The following ZPLD1 variants were observed in gnomAD, a reference collection of about 807,000 sequenced individuals.
ZPLD1 encodes zona pellucida-like domain-containing protein 1.
ZPLD1 carries 34 observed loss-of-function variants against 47.2 expected under a neutral mutation model. That is an observed-to-expected ratio of 0.72 (90% CI 0.55 to 0.96). The LOEUF (loss-of-function observed/expected upper bound fraction) is 0.96, where lower values mean the gene tolerates loss of function less well. Ranked by LOEUF, ZPLD1 falls within the 40% of genes least tolerant of loss-of-function variation. The pLI is 0.00. For synonymous variants in ZPLD1, 176 were observed against 186.2 expected (o/e 0.95, Z 0.45); for missense variants, 512 against 505.8 (o/e 1.01, Z -0.12).
At chr3:102,441,741 A>T (rs1707182412) in intron 3 of ZPLD1, among the ~76,000 whole-genome samples, 1 of 152,126 alleles carries the variant, frequency 6.6e-6, no homozygotes, top group African/African-American at 2.4e-5. Context: ...GAGACAACTC[A>T]TTACATATGT....
intron 8 of ZPLD1, among the ~76,000 whole-genome samples, chr3:102,418,850 C>T (rs984423152): frequency 2.0e-5 from 3 of 151,926 alleles, no homozygotes; most frequent in Non-Finnish European, 2.9e-5. Context: ...CAGAATCTCC[C>T]ATAACCTGGG....
chr3:102,459,649 C>A (rs1707475660), intron 6 of ZPLD1, among the ~76,000 whole-genome samples: 1 of 152,072 alleles, frequency 6.6e-6, no homozygotes, highest in African/African-American at 2.4e-5. Context: ...TATTAGACTA[C>A]AAGTGAAATA....
chr3:102,395,200 G>T (rs541389213), intron 7 of ZPLD1, among the ~76,000 whole-genome samples: 1 of 151,904 alleles, frequency 6.6e-6, no homozygotes, highest in Non-Finnish European at 1.5e-5. Flanking sequence ...CTCCAAAAAC[G>T]TCCATGTCCT....
Position 102,476,992 on chromosome 3 carries a change from T to C in ZPLD1, c.1043-20T>C. ...TTGGAGAGATGATGTCACTTCTCTT[T>C]TTCTGTTTTTTCCCCTCAGATGAGA... On this transcript the variant is annotated intron_variant, in intron 10 of 11. Transcript: ENST00000466937. 1.2e-6 allele frequency: 2 copies of C among 1,612,922 alleles called. No individual in the cohort carries two copies. The highest frequency in any genetic ancestry group is 1.7e-6 in the Non-Finnish European group (2 of 1,179,128).
upstream of ZPLD1, among the ~76,000 whole-genome samples, chr3:102,432,387 A>G (rs1707026661): frequency 6.6e-6 from 1 of 152,224 alleles, no homozygotes; most frequent in Non-Finnish European, 1.5e-5. Flanking sequence ...GTATGATAAA[A>G]AACTAGCTTT....
At chr3:102,398,561 G>A (rs776103545) in intron 7 of ZPLD1, among the ~76,000 whole-genome samples, 24 of 151,994 alleles carry the variant, frequency 1.6e-4, no homozygotes, top group Non-Finnish European at 2.8e-4. Flanking sequence ...CTAAAACACT[G>A]TTTTGCACTG....
At chr3:102,427,853 C>G (rs1706966310) in intron 8 of ZPLD1, among the ~76,000 whole-genome samples, 1 of 152,166 alleles carries the variant, frequency 6.6e-6, no homozygotes, top group African/African-American at 2.4e-5. Context: ...GCAGGCTCAG[C>G]CCACTACTTA....
At chr3:102,456,545 A>ATCTATCTATCTATC (rs1707417474) in intron 5 of ZPLD1, among the ~76,000 whole-genome samples, 171 bp downstream of exon 5, 1 of 147,034 alleles carries the variant, frequency 6.8e-6, no homozygotes, top group African/African-American at 2.6e-5. Context: ...TTTATCTATT[A>ATCTATCTATCTATC]TATCTATCTA....
upstream of ZPLD1, among the ~76,000 whole-genome samples, chr3:102,432,096 A>G (rs1707022536): frequency 6.6e-6 from 1 of 152,182 alleles, no homozygotes; most frequent in Non-Finnish European, 1.5e-5. Flanking sequence ...TTCATCCTTT[A>G]ACTTAAACTT....
intron 2 of ZPLD1, 50 bp downstream of exon 2, chr3:102,437,023 G>A (rs1707100857): frequency 2.5e-6 from 2 of 807,896 alleles, no homozygotes; most frequent in Non-Finnish European, 1.5e-6. Flanking sequence ...CTTTTCTAGT[G>A]TCTTCCAAAG....
At chr3:102,433,794 G>A (rs568904485), upstream of ZPLD1, among the ~76,000 whole-genome samples, 30 of 152,266 alleles carry the variant, frequency 2.0e-4, no homozygotes, top group African/African-American at 6.0e-4. Flanking sequence ...CTCCCAAAGT[G>A]CTGAGATTAT....
intron 4 of ZPLD1, among the ~76,000 whole-genome samples, chr3:102,454,616 G>C (rs1414008041): frequency 6.6e-6 from 1 of 152,308 alleles, no homozygotes; most frequent in East Asian, 1.9e-4. Context: ...AGCACTTTGT[G>C]GGGCCAAGGT....
chr3:102,408,235 A>G (rs1422788350), intron 7 of ZPLD1, among the ~76,000 whole-genome samples: 2 of 151,700 alleles, frequency 1.3e-5, no homozygotes, highest in Non-Finnish European at 2.9e-5. Flanking sequence ...TCTAGACCTT[A>G]TGTTTCAATT....
chr3:102,409,099 T>A (rs1446509691), intron 7 of ZPLD1, among the ~76,000 whole-genome samples: 1 of 151,756 alleles, frequency 6.6e-6, no homozygotes, highest in African/African-American at 2.4e-5. Context: ...GGCTTATCAT[T>A]CTGGAGGCTG....
intron 2 of ZPLD1, among the ~76,000 whole-genome samples, chr3:102,437,607 G>A (rs1344604921): frequency 6.6e-6 from 1 of 152,172 alleles, no homozygotes; most frequent in Non-Finnish European, 1.5e-5. Context: ...TATGCTCTGA[G>A]AATAAGTTAG....
rs1242113365 is a variant in ZPLD1, at chr3:102,435,171, G to C, written c.-123+17G>C. On this transcript the variant is annotated intron_variant, in intron 1 of 11. Transcript: ENST00000466937. Reference sequence around the variant, plus strand: ...ATGATGAAGGTAAGGTTGAGGATGGGAAATTTGCAAGATAATAGTTCATCA... The same window carrying C: ...ATGATGAAGGTAAGGTTGAGGATGGCAAATTTGCAAGATAATAGTTCATCA... 3 of 1,613,974 alleles carry C rather than the reference G, an allele frequency of 1.9e-6. No individual in the cohort carries two copies. Among genetic ancestry groups the C allele is most frequent in the Non-Finnish European group, 2.5e-6 (3 of 1,179,880 alleles).
intron 6 of ZPLD1, among the ~76,000 whole-genome samples, chr3:102,389,108 A>T (rs2107282787): frequency 6.6e-6 from 1 of 152,292 alleles, no homozygotes; most frequent in South Asian, 2.1e-4. Context: ...ATGTTTGCAC[A>T]CTCAAATGCC....
intron 8 of ZPLD1, among the ~76,000 whole-genome samples, chr3:102,468,500 C>T (rs1707631937): frequency 6.6e-6 from 1 of 152,124 alleles, no homozygotes; most frequent in African/African-American, 2.4e-5. Context: ...AGATCTCTAA[C>T]ACTGCTAAAT....
intron 8 of ZPLD1, among the ~76,000 whole-genome samples, chr3:102,428,219 G>A (rs1177008876): frequency 6.6e-6 from 1 of 152,056 alleles, no homozygotes; most frequent in East Asian, 1.9e-4. Context: ...TCTTCCATTG[G>A]TTTTAGTTCC....
Sources: gnomAD v4.1 joint callset for allele counts (sites outside exome capture counted in the v4.1 genomes callset) on GRCh38, gnomAD v4.1.1 for gene constraint, MANE v1.5 for transcripts, NCBI Gene and HGNC (gene_info 2026-07-23, HGNC 2026-07-21) for gene names.